LOC128462377: variants seen among roughly 807,000 people sequenced by gnomAD.
the LOC128462377 span, among the ~76,000 whole-genome samples, chr16:89,354,222 T>C: frequency 1.6e-5 from 2 of 128,894 alleles, no homozygotes; most frequent in Admixed American, 1.7e-4. Context: ...TACATATATA[T>C]AACTAAATTT....
At chr16:89,317,857 C>T in the LOC128462377 span, among the ~76,000 whole-genome samples, 3 of 152,148 alleles carry the variant, frequency 2.0e-5, no homozygotes, top group Non-Finnish European at 2.9e-5. Flanking sequence ...TGGCAAATTC[C>T]TAGATAGCCA....
At chr16:89,384,708 C>T in the LOC128462377 span, among the ~76,000 whole-genome samples, 1 of 152,020 alleles carries the variant, frequency 6.6e-6, no homozygotes, top group African/African-American at 2.4e-5. Context: ...ATTCTTCCCT[C>T]CTTTTACCTC....
At chr16:89,347,383 G>A in the LOC128462377 span, among the ~76,000 whole-genome samples, 1,565 of 152,266 alleles carry the variant, frequency 0.01, 24 homozygotes, top group African/African-American at 0.035. Context: ...GCCAAGATAG[G>A]CGGATCACGA....
At chr16:89,376,581 G>A in the LOC128462377 span, among the ~76,000 whole-genome samples, 4 of 152,154 alleles carry the variant, frequency 2.6e-5, no homozygotes, top group Admixed American at 2.0e-4. Flanking sequence ...GGGACCACAG[G>A]CGCCCACCAC....
chr16:89,323,438 T>A, the LOC128462377 span: 2,180 of 456,814 alleles, frequency 4.8e-3, 25 homozygotes, highest in African/African-American at 0.05. Flanking sequence ...GCAGGGGGGC[T>A]GAGCCGAGGG....
chr16:89,390,981 CA>C, the LOC128462377 span, among the ~76,000 whole-genome samples: 1 of 152,282 alleles, frequency 6.6e-6, no homozygotes, highest in South Asian at 2.1e-4. Context: ...GTAATCACAG[CA>C]TTTTGGGAGG....
chr16:89,411,604 G>T, the LOC128462377 span, among the ~76,000 whole-genome samples: 1 of 152,012 alleles, frequency 6.6e-6, no homozygotes, highest in Non-Finnish European at 1.5e-5. Flanking sequence ...TGGAGAGATG[G>T]GGTCTTGCCA....
the LOC128462377 span, among the ~76,000 whole-genome samples, chr16:89,322,894 A>C: frequency 6.6e-6 from 1 of 152,222 alleles, no homozygotes; most frequent in Admixed American, 6.5e-5. Flanking sequence ...CCCAGGCTGG[A>C]GTGCAGCGGT....
chr16:89,402,503 G>T, the LOC128462377 span, among the ~76,000 whole-genome samples: 1 of 151,932 alleles, frequency 6.6e-6, no homozygotes, highest in Non-Finnish European at 1.5e-5. Flanking sequence ...ATGACAGGGA[G>T]ACCCCGCCTC....
At chr16:89,380,610 C>G in the LOC128462377 span, among the ~76,000 whole-genome samples, 2 of 152,188 alleles carry the variant, frequency 1.3e-5, no homozygotes, top group African/African-American at 4.8e-5. Flanking sequence ...TAATGCCAAA[C>G]AGGTCTTTGT....
the LOC128462377 span, among the ~76,000 whole-genome samples, chr16:89,357,372 G>T: frequency 1.8e-3 from 267 of 152,320 alleles, no homozygotes; most frequent in Middle Eastern, 0.01. Flanking sequence ...GGGAACCAGG[G>T]GGCAGGTGAG....
chr16:89,412,963 A>G, the LOC128462377 span, among the ~76,000 whole-genome samples: 1 of 152,086 alleles, frequency 6.6e-6, no homozygotes, highest in Non-Finnish European at 1.5e-5. Context: ...AAAAGCACAC[A>G]TGAGGGAAAA....
the LOC128462377 span, among the ~76,000 whole-genome samples, chr16:89,326,407 C>G: frequency 1.3e-5 from 2 of 151,328 alleles, no homozygotes; most frequent in Non-Finnish European, 2.9e-5. Flanking sequence ...AGAAGGTGCA[C>G]ACCACTCAGC....
chr16:89,337,429 C>CTGTTTTTTTTT, the LOC128462377 span, among the ~76,000 whole-genome samples: 1 of 53,118 alleles, frequency 1.9e-5, no homozygotes, highest in Non-Finnish European at 3.2e-5. Context: ...CTAAGCAATT[C>CTGTTTTTTTTT]TTTTTTTTTT....
At chr16:89,326,811 C>T in the LOC128462377 span, among the ~76,000 whole-genome samples, 2 of 152,180 alleles carry the variant, frequency 1.3e-5, no homozygotes, top group Admixed American at 6.5e-5. Flanking sequence ...CAGAGCAGTG[C>T]CCCAAAGCAT....
At chr16:89,356,331 GC>G in the LOC128462377 span, among the ~76,000 whole-genome samples, 1 of 148,108 alleles carries the variant, frequency 6.8e-6, no homozygotes, top group Non-Finnish European at 1.5e-5. Context: ...TCGGTGGCAA[GC>G]CATCCGCTGA....
the LOC128462377 span, among the ~76,000 whole-genome samples, chr16:89,386,294 G>A: frequency 6.6e-6 from 1 of 151,668 alleles, no homozygotes; most frequent in Admixed American, 6.6e-5. Context: ...TTTAAAGCTT[G>A]ATTATTAAGA....
At chr16:89,336,221 G>A in the LOC128462377 span, among the ~76,000 whole-genome samples, 6 of 152,212 alleles carry the variant, frequency 3.9e-5, no homozygotes, top group Non-Finnish European at 8.8e-5. Flanking sequence ...AAGACTTGAG[G>A]GGTTCAGGCA....
chr16:89,317,134 C>A, the LOC128462377 span: 1 of 1,124,350 alleles, frequency 8.9e-7, no homozygotes, highest in Non-Finnish European at 1.3e-6. Flanking sequence ...AAAACTCATC[C>A]ACTCTCACAC....
Sources: gnomAD v4.1 joint callset for allele counts (sites outside exome capture counted in the v4.1 genomes callset) on GRCh38, gnomAD v4.1.1 for gene constraint, MANE v1.5 for transcripts.